RBFOX1: variants seen among roughly 807,000 people sequenced by gnomAD.
The protein encoded by RBFOX1 is RNA binding protein fox-1 homolog 1.
RBFOX1 carries 8 observed loss-of-function variants against 57.7 expected under a neutral mutation model. The ratio of observed to expected loss-of-function variants is 0.14; its 90% CI spans 0.08 to 0.25. The LOEUF (loss-of-function observed/expected upper bound fraction) is 0.25, where lower values mean the gene tolerates loss of function less well. Ranked by LOEUF, RBFOX1 falls within the 10% of genes least tolerant of loss-of-function variation. RBFOX1 has a pLI of 1.00. For missense variants in RBFOX1, 611 were observed against 548.5 expected (o/e 1.11, Z -1.14); for synonymous variants, 326 against 222.4 (o/e 1.47, Z -4.15).
At chr16:6,358,511 A>G (rs1018231645) in intron 2 of RBFOX1, among the ~76,000 whole-genome samples, 2 of 152,226 alleles carry the variant, frequency 1.3e-5, no homozygotes, top group Non-Finnish European at 2.9e-5. Context: ...ATAAAGATCC[A>G]GCTGAAGAGT....
chr16:6,830,520 C>A lies in RBFOX1; in HGVS notation c.-16+175870C>A, dbSNP rs146381022. 1.4e-3 allele frequency among the ~76,000 whole-genome samples: 210 copies of A among 152,172 alleles called. 2 individuals carry two copies. The highest frequency in any genetic ancestry group is 2.2e-3 in the Non-Finnish European group (148 of 68,006). ...AGTTCTCAACTGAGACTGTTTTGTTCCCCCAGGGGACAGCTGGCAATATCT... is the reference window on the plus strand; with the variant it reads ...AGTTCTCAACTGAGACTGTTTTGTTACCCCAGGGGACAGCTGGCAATATCT... On this transcript the variant is annotated intron_variant, in intron 3 of 15. Transcript: ENST00000550418.
intron 1 of RBFOX1, among the ~76,000 whole-genome samples, chr16:6,310,936 C>T (rs2080196834): frequency 1.3e-5 from 2 of 150,822 alleles, no homozygotes; most frequent in African/African-American, 4.9e-5. Context: ...GAATCCCAGA[C>T]ATAGGAAACA....
chr16:7,306,456 T>C (rs999065855), intron 4 of RBFOX1, among the ~76,000 whole-genome samples: 2 of 152,178 alleles, frequency 1.3e-5, no homozygotes, highest in African/African-American at 4.8e-5. Flanking sequence ...CATATGAAGA[T>C]AGATGGAGGG....
Position 7,380,423 on chromosome 16 carries a change from C to G in RBFOX1, c.28-137724C>G, listed in dbSNP as rs941765373. Among the ~76,000 whole-genome samples the G allele has an allele frequency of 6.6e-5, 10 of 152,324 alleles. No individual in the cohort carries two copies. In the South Asian group the frequency reaches 1.2e-3, roughly 19 times the overall value. ...TATAAATGACTTTATGTCTATGACT[C>G]TGTTACCACTTAAAAATAGTGTACA... On this transcript the variant is annotated intron_variant, in intron 4 of 15. Transcript: ENST00000550418.
intron 3 of RBFOX1, among the ~76,000 whole-genome samples, chr16:6,886,783 CA>C (rs1555572372): frequency 0.037 from 5,005 of 136,876 alleles, 282 homozygotes; most frequent in African/African-American, 0.13. Context: ...CAAAACAAAA[CA>C]AAAAAAAAAC....
At chr16:6,684,641 G>T (rs1250183890) in intron 3 of RBFOX1, among the ~76,000 whole-genome samples, 1 of 152,188 alleles carries the variant, frequency 6.6e-6, no homozygotes, top group Non-Finnish European at 1.5e-5. Flanking sequence ...GGAATGGGAG[G>T]TGGCTTCTTT....
chr16:6,686,081 C>T (rs950738948), intron 3 of RBFOX1, among the ~76,000 whole-genome samples: 1 of 152,178 alleles, frequency 6.6e-6, no homozygotes, highest in East Asian at 1.9e-4. Flanking sequence ...CTGTGCTCAG[C>T]ACTGCATTAT....
At chr16:7,450,360 C>G (rs920344811) in intron 4 of RBFOX1, among the ~76,000 whole-genome samples, 3 of 141,862 alleles carry the variant, frequency 2.1e-5, no homozygotes, top group Non-Finnish European at 4.5e-5. Flanking sequence ...CGCCATTGCA[C>G]TCCAGCCTGG....
At chr16:6,134,547 G>T (rs1182942610) in intron 1 of RBFOX1, among the ~76,000 whole-genome samples, 1 of 152,138 alleles carries the variant, frequency 6.6e-6, no homozygotes, top group Non-Finnish European at 1.5e-5. Flanking sequence ...GGAGTGGTAG[G>T]TACCAAAGAC....
intron 3 of RBFOX1, among the ~76,000 whole-genome samples, chr16:5,837,944 C>T (rs541891345): frequency 6.6e-6 from 1 of 152,220 alleles, no homozygotes; most frequent in African/African-American, 2.4e-5. Context: ...CAGATGGCTG[C>T]TTCGGAAAGA....
intron 3 of RBFOX1, among the ~76,000 whole-genome samples, chr16:5,654,373 G>A (rs2049350582): frequency 6.6e-6 from 1 of 152,144 alleles, no homozygotes; most frequent in African/African-American, 2.4e-5. Flanking sequence ...ATGCTGTAGT[G>A]GGAGTATTTA....
rs148692359 is a variant in RBFOX1 at position 7,636,101 on chromosome 16, C to T, written c.757+5418C>T. 3.7e-4 allele frequency among the ~76,000 whole-genome samples: 56 copies of T among 152,346 alleles called. 2 individuals carry two copies. The East Asian group carries it at 6.9e-3, about 19-fold the overall frequency. On this transcript the variant is annotated intron_variant, in intron 11 of 15. Coordinates refer to ENST00000550418, the MANE Select transcript of RBFOX1 (RefSeq NM_018723.4). ...GTGGGATTGCAGGCATGAGCCACTG[C>T]GCCCAGCCCAAGCTACCTCTTTTTC...
intron 2 of RBFOX1, among the ~76,000 whole-genome samples, chr16:6,527,041 G>A (rs1201477688): frequency 1.3e-5 from 2 of 151,766 alleles, no homozygotes; most frequent in Admixed American, 6.6e-5. Flanking sequence ...ATTATTAGCC[G>A]CCTCCCAAAA....
At chr16:7,015,552 T>G (rs2093868677) in intron 3 of RBFOX1, among the ~76,000 whole-genome samples, 1 of 152,172 alleles carries the variant, frequency 6.6e-6, no homozygotes, top group African/African-American at 2.4e-5. Context: ...TCAGGACTGC[T>G]TTGGATAGAA....
At chr16:5,717,061 G>T (rs1008221719) in intron 3 of RBFOX1, among the ~76,000 whole-genome samples, 1 of 152,108 alleles carries the variant, frequency 6.6e-6, no homozygotes, top group Non-Finnish European at 1.5e-5. Flanking sequence ...TTCCTGCTTG[G>T]CTGTCAGAAA....
chr16:7,249,925 C>T (rs1220370778), intron 4 of RBFOX1, among the ~76,000 whole-genome samples: 1 of 152,178 alleles, frequency 6.6e-6, no homozygotes, highest in Non-Finnish European at 1.5e-5. Context: ...ACACTCTCAA[C>T]AGTAGTGTTT....
chr16:7,702,100 C>T (rs1044057369), intron 14 of RBFOX1, among the ~76,000 whole-genome samples: 1 of 152,154 alleles, frequency 6.6e-6, no homozygotes, highest in Non-Finnish European at 1.5e-5. Context: ...GCCATAATTA[C>T]CCCAACATTT....
chr16:7,238,154 A>G (rs1461231437), intron 4 of RBFOX1, among the ~76,000 whole-genome samples: 2 of 152,174 alleles, frequency 1.3e-5, no homozygotes, highest in Non-Finnish European at 2.9e-5. Context: ...CAAAGACAAA[A>G]AGTGGCATGG....
At chr16:6,846,894 G>A (rs1304769153) in intron 3 of RBFOX1, among the ~76,000 whole-genome samples, 1 of 150,916 alleles carries the variant, frequency 6.6e-6, no homozygotes, top group African/African-American at 2.5e-5. Flanking sequence ...CAAAGGGAAA[G>A]ACTGCCTCTA....
Sources: allele counts gnomAD v4.1 joint callset (sites outside exome capture counted in the v4.1 genomes callset), GRCh38; gene constraint gnomAD v4.1.1; transcripts MANE v1.5; gene names NCBI Gene and HGNC (gene_info 2026-07-23, HGNC 2026-07-21).